TRPC5: variants seen among roughly 807,000 people sequenced by gnomAD.
The protein encoded by TRPC5 is transient receptor potential cation channel subfamily C member 5, also known as short transient receptor potential channel 5.
Under a neutral mutation model 56.5 loss-of-function variants are expected in TRPC5, and 9 were observed. The ratio of observed to expected loss-of-function variants is 0.16; its 90% CI spans 0.10 to 0.28. The LOEUF is 0.28. Among genes scored for constraint, TRPC5 ranks in the 10% least tolerant of loss-of-function variants. The probability of loss-of-function intolerance (pLI) is 1.00; values close to 1 mark genes in which losing one functional copy is unlikely to be tolerated. For synonymous variants in TRPC5, 282 were observed against 278.5 expected (o/e 1.01, Z -0.13); for missense variants, 469 against 748.9 (o/e 0.63, Z 4.36).
intron 3 of TRPC5, among the ~76,000 whole-genome samples, chrX:111,862,472 A>G (rs1923431644): frequency 8.9e-6 from 1 of 112,513 alleles, no homozygotes; most frequent in South Asian, 3.6e-4. Context: ...CTGAAGCTAC[A>G]TAGATACTAA....
chrX:111,934,875 C>T (rs1413177474), intron 2 of TRPC5, among the ~76,000 whole-genome samples: 3 of 112,166 alleles, frequency 2.7e-5, no homozygotes, highest in East Asian at 2.8e-4. Context: ...ATCTGTTGAT[C>T]GACAAGTTAG....
intron 1 of TRPC5, among the ~76,000 whole-genome samples, chrX:112,080,395 T>C (rs113219161): frequency 6.7e-4 from 53 of 79,167 alleles, no homozygotes; most frequent in African/African-American, 1.5e-3. Flanking sequence ...AAAAACTACA[T>C]ACACACACAC....
At chrX:111,782,987 C>A (rs1945932997) in intron 7 of TRPC5, among the ~76,000 whole-genome samples, 1 of 111,874 alleles carries the variant, frequency 8.9e-6, no homozygotes, top group Non-Finnish European at 1.9e-5. Flanking sequence ...TAACCTCTGA[C>A]AACTGCTCCT....
At chrX:111,941,301 C>T (rs1926771432) in intron 2 of TRPC5, among the ~76,000 whole-genome samples, 1 of 112,045 alleles carries the variant, frequency 8.9e-6, no homozygotes, top group Non-Finnish European at 1.9e-5. Context: ...TGATTTTTAA[C>T]AGTAGGGAAA....
intron 10 of TRPC5, among the ~76,000 whole-genome samples, chrX:111,778,063 G>C (rs1472397227): frequency 9.0e-6 from 1 of 111,619 alleles, no homozygotes; most frequent in Non-Finnish European, 1.9e-5. Flanking sequence ...TATGAATTAG[G>C]ATAATGGACT....
At chrX:111,869,089 C>T (rs1923639130) in intron 3 of TRPC5, among the ~76,000 whole-genome samples, 1 of 111,502 alleles carries the variant, frequency 9.0e-6, no homozygotes. Context: ...TGTTCAAGCA[C>T]CTTTCTTCCC....
chrX:112,028,718 T>C (rs866621590), intron 1 of TRPC5, among the ~76,000 whole-genome samples: 29 of 112,350 alleles, frequency 2.6e-4, no homozygotes, highest in African/African-American at 9.1e-4. Context: ...CTATTGTGAA[T>C]AGTGCCACAA....
At chrX:112,017,151 C>T (rs1278048954) in intron 1 of TRPC5, among the ~76,000 whole-genome samples, 2 of 111,309 alleles carry the variant, frequency 1.8e-5, no homozygotes, top group African/African-American at 6.5e-5. Flanking sequence ...GTAGCTGGGA[C>T]TACAGGCGTG....
intron 1 of TRPC5, among the ~76,000 whole-genome samples, chrX:112,069,870 G>C (rs1930675389): frequency 1.8e-5 from 2 of 111,432 alleles, no homozygotes; most frequent in Non-Finnish European, 3.8e-5. Context: ...CAAATTAATA[G>C]GGATTTTATG....
At chrX:111,821,684 C>T (rs1922035822) in intron 7 of TRPC5, among the ~76,000 whole-genome samples, 1 of 112,132 alleles carries the variant, frequency 8.9e-6, no homozygotes, top group Admixed American at 9.5e-5. Flanking sequence ...AAGTTTCTAT[C>T]TCTTAGCTTT....
chrX:112,046,476 C>A (rs191378711), intron 1 of TRPC5, among the ~76,000 whole-genome samples: 59 of 111,149 alleles, frequency 5.3e-4, no homozygotes, highest in African/African-American at 1.7e-3. Context: ...TCCCTGTAGG[C>A]TGTCATGCTC....
intron 2 of TRPC5, among the ~76,000 whole-genome samples, chrX:111,949,092 A>ACAC (rs1272856850): frequency 8.9e-6 from 1 of 111,975 alleles, no homozygotes. Context: ...TGGGGGAAGG[A>ACAC]CACCCTTTTC....
chrX:111,877,031 G>A (rs1246811704), intron 3 of TRPC5, among the ~76,000 whole-genome samples: 2 of 111,557 alleles, frequency 1.8e-5, no homozygotes, highest in African/African-American at 3.3e-5. Context: ...ATCTATGGAT[G>A]ATCACATTTG....
intron 1 of TRPC5, among the ~76,000 whole-genome samples, chrX:112,024,306 CCCTA>C: frequency 9.0e-6 from 1 of 111,512 alleles, no homozygotes; most frequent in East Asian, 2.8e-4. Flanking sequence ...AAGCAGATTG[CCCTA>C]CCTAATGAGG....
At chrX:112,033,507 C>G (rs1187548146) in intron 1 of TRPC5, among the ~76,000 whole-genome samples, 1 of 94,147 alleles carries the variant, frequency 1.1e-5, no homozygotes, top group Non-Finnish European at 2.1e-5. Context: ...TTGATAATAT[C>G]CTTTGATGCA....
At chrX:111,786,926 G>A (rs1448943906) in intron 7 of TRPC5, among the ~76,000 whole-genome samples, 1 of 111,385 alleles carries the variant, frequency 9.0e-6, no homozygotes, top group Non-Finnish European at 1.9e-5. Flanking sequence ...CAAGTCCTTA[G>A]AGACCTACAA....
rs377143955 is a variant in TRPC5 at position 111,773,265 on chromosome X, G to A, written c.*3048C>T. 3.2e-4 allele frequency among the ~76,000 whole-genome samples: 36 copies of A among 111,975 alleles called. 2 individuals are homozygous for A. Among genetic ancestry groups the A allele is most frequent in the Admixed American group, 2.7e-3 (28 of 10,527 alleles). ...TCCTCTGTATTTCACTGGACATAAA[G>A]CTGGAAGTGGAGATATTTCAACAAT... On this transcript the variant is annotated 3_prime_UTR_variant, in exon 11 of 11. Coordinates refer to ENST00000262839, the MANE Select transcript of TRPC5 (RefSeq NM_012471.3).
At chrX:111,816,022 C>T (rs1177142285) in intron 7 of TRPC5, among the ~76,000 whole-genome samples, 1 of 111,227 alleles carries the variant, frequency 9.0e-6, no homozygotes, top group Non-Finnish European at 1.9e-5. Flanking sequence ...CTAATGTGTG[C>T]ACAATACAAC....
intron 1 of TRPC5, among the ~76,000 whole-genome samples, chrX:111,998,566 C>A (rs1402924407): frequency 8.9e-6 from 1 of 111,925 alleles, no homozygotes; most frequent in Non-Finnish European, 1.9e-5. Flanking sequence ...AAAAGTCAGC[C>A]CTCTGTATCC....
Sources: gnomAD v4.1 joint callset for allele counts (sites outside exome capture counted in the v4.1 genomes callset) on GRCh38, gnomAD v4.1.1 for gene constraint, MANE v1.5 for transcripts, NCBI Gene and HGNC (gene_info 2026-07-23, HGNC 2026-07-21) for gene names.